Variants in XKR4 observed in about 807,000 individuals in gnomAD.
The protein encoded by XKR4 is XK-related protein 4.
Under a neutral mutation model 53.9 loss-of-function variants are expected in XKR4, and 12 were observed. The observed-to-expected ratio is 0.22, with a 90% CI of 0.14 to 0.36. The LOEUF (loss-of-function observed/expected upper bound fraction) is 0.36, where lower values mean the gene tolerates loss of function less well. Ranked by LOEUF, XKR4 falls within the 10% of genes least tolerant of loss-of-function variation. The probability of loss-of-function intolerance (pLI) is 1.00; values close to 1 mark genes in which losing one functional copy is unlikely to be tolerated. For synonymous variants in XKR4, 354 were observed against 362.4 expected, an observed-to-expected ratio of 0.98 and a Z score of 0.26; for missense variants, 799 against 859.5, an observed-to-expected ratio of 0.93 and a Z score of 0.88.
intron 2 of XKR4, chr8:55,453,376 G>T: frequency 2.2e-6 from 1 of 448,532 alleles, no homozygotes; most frequent in Middle Eastern, 4.6e-4. Context: ...ACAGTTCCCG[G>T]GTGAGGCAGT....
chr8:55,199,551 G>C (rs1380562248), intron 1 of XKR4, among the ~76,000 whole-genome samples: 2 of 152,092 alleles, frequency 1.3e-5, no homozygotes, highest in Non-Finnish European at 2.9e-5. Flanking sequence ...CAGATGAGGG[G>C]GAACAGAGGC....
intron 2 of XKR4, chr8:55,452,176 C>G: frequency 4.1e-6 from 3 of 724,494 alleles, no homozygotes; most frequent in Non-Finnish European, 7.1e-6. Flanking sequence ...AAGAGCTCGG[C>G]ACTGTCAGAC....
intron 1 of XKR4, among the ~76,000 whole-genome samples, chr8:55,356,182 T>C (rs145821271): frequency 1.3e-5 from 2 of 152,312 alleles, no homozygotes; most frequent in African/African-American, 4.8e-5. Flanking sequence ...ACTCTGAATA[T>C]CACCATTTTG....
intron 1 of XKR4, among the ~76,000 whole-genome samples, chr8:55,328,700 A>C (rs1340650352): frequency 6.6e-6 from 1 of 152,088 alleles, no homozygotes; most frequent in African/African-American, 2.4e-5. Flanking sequence ...CCACCGCATG[A>C]CCTTTTTTCT....
intron 2 of XKR4, among the ~76,000 whole-genome samples, chr8:55,425,416 C>T (rs1179010631): frequency 7.4e-6 from 1 of 135,266 alleles, no homozygotes; most frequent in African/African-American, 2.9e-5. Context: ...CTCGTCTAGC[C>T]TCTCTCATCA....
intron 1 of XKR4, among the ~76,000 whole-genome samples, chr8:55,213,856 CTTTTTT>C (rs11433893): frequency 0.013 from 1,085 of 82,422 alleles, 28 homozygotes; most frequent in Middle Eastern, 0.065. Context: ...TTCTTTCTTT[CTTTTTT>C]TTTTTTTTTT....
In XKR4 at chr8:55,524,104, T is replaced by A; in HGVS notation, c.1830T>A (p.His610Gln). The part of the protein sequence containing the change: ...FRNRYPAWER[H>Q]VLDRSLRKAI... ...ATAGGTACCCAGCATGGGAGAGACA[T>A]GTTTTGGACCGAAGCCTCCGAAAGG... is the stretch of plus-strand genomic sequence containing the variant. The change falls in exon 3 of 3, where the codon CAT (histidine) becomes CAA (glutamine). Residue 610 changes from histidine to glutamine, a missense_variant. Transcript: ENST00000327381. The A allele has an allele frequency of 6.2e-7, 1 of 1,614,176 alleles. No individual in the cohort carries two copies. Among genetic ancestry groups the A allele is most frequent in the Non-Finnish European group, 8.5e-7 (1 of 1,180,020 alleles).
At chr8:55,288,200 C>A (rs2129374906) in intron 1 of XKR4, among the ~76,000 whole-genome samples, 1 of 152,308 alleles carries the variant, frequency 6.6e-6, no homozygotes, top group East Asian at 1.9e-4. Flanking sequence ...CAATGTGTCT[C>A]CACCAAGGGG....
rs369123888 is a variant in XKR4, at chr8:55,496,014, A to G, written c.1007-27267A>G. 4.5e-4 allele frequency among the ~76,000 whole-genome samples: 68 copies of G among 152,392 alleles called. No individual in the cohort carries two copies. In the Middle Eastern group the frequency reaches 0.014, roughly 30 times the overall value. On this transcript the variant is annotated intron_variant, in intron 2 of 2. Transcript: ENST00000327381. The stretch of plus-strand genomic sequence containing the variant: ...CAAATTAACTTGAGACTATGAAGTC[A>G]GCAATGTTTGCTTAGAAATTAATTC...
At position 55,534,360 on chromosome 8, in the gene XKR4, A is replaced by ATTGTTTTTTTT. The variant is rs1563375592; in HGVS notation, c.*10135_*10136insGTTTTTTTTTT. The ATTGTTTTTTTT allele has an allele frequency of 2.6e-5, 1 of 38,852 alleles. No individual in the cohort carries two copies. The allele number at this position is 38,852 out of a possible 1,614,324, so 2.4% of individuals were successfully genotyped here. On this transcript the variant is annotated 3_prime_UTR_variant, in exon 3 of 3. Transcript: ENST00000327381. Reference sequence around the variant, plus strand: ...CGAGCTCAAAGATCACGAATCTGATATTCTTTTTTTTTTTTTTTTTTTTTT... The same window carrying ATTGTTTTTTTT: ...CGAGCTCAAAGATCACGAATCTGATATTGTTTTTTTTTTCTTTTTTTTTTTTTTTTTTTTTT...
intron 1 of XKR4, among the ~76,000 whole-genome samples, chr8:55,258,199 A>G (rs1399525310): frequency 6.6e-6 from 1 of 152,218 alleles, no homozygotes; most frequent in Non-Finnish European, 1.5e-5. Context: ...TATATCCTCC[A>G]AAGCAGTGTC....
At chr8:55,117,379 T>C (rs78374425) in intron 1 of XKR4, among the ~76,000 whole-genome samples, 3 of 152,218 alleles carry the variant, frequency 2.0e-5, no homozygotes, top group East Asian at 1.9e-4. Flanking sequence ...ATGGACTCTT[T>C]AGGAGACAAA....
intron 2 of XKR4, among the ~76,000 whole-genome samples, chr8:55,484,217 G>A (rs1005007657): frequency 2.0e-5 from 3 of 152,008 alleles, no homozygotes; most frequent in Non-Finnish European, 4.4e-5. Flanking sequence ...AACTCTCCAG[G>A]CCAAGAAAGC....
chr8:55,206,962 C>T (rs1040268893), intron 1 of XKR4, among the ~76,000 whole-genome samples: 33 of 152,344 alleles, frequency 2.2e-4, no homozygotes, highest in African/African-American at 7.5e-4. Flanking sequence ...GACCACCCTG[C>T]CCCGCGGCAT....
At chr8:55,251,822 C>T (rs1042605784) in intron 1 of XKR4, among the ~76,000 whole-genome samples, 1 of 152,222 alleles carries the variant, frequency 6.6e-6, no homozygotes, top group Admixed American at 6.5e-5. Context: ...ACCAGTGAAA[C>T]ACTATGCCAA....
chr8:55,454,040 C>A (rs932281520), intron 2 of XKR4: 6 of 892,390 alleles, frequency 6.7e-6, no homozygotes, highest in Admixed American at 1.9e-5. Context: ...CCAGAGATAG[C>A]CCTGCAGCAG....
intron 2 of XKR4, among the ~76,000 whole-genome samples, chr8:55,482,053 C>T (rs1422981558): frequency 1.3e-5 from 2 of 152,154 alleles, no homozygotes; most frequent in African/African-American, 2.4e-5. Flanking sequence ...TGAGTATATA[C>T]CCAAAGGATT....
Position 55,532,577 on chromosome 8 carries a change from CA to C in XKR4, c.*8352del, listed in dbSNP as rs1202920551. ...TTGGGAGGCTGAGGCGGGCGGATCA[CA>C]AGGTCAGGAGATCGAGACCATCCTG... On this transcript the variant is annotated 3_prime_UTR_variant, in exon 3 of 3. Transcript: ENST00000327381. 1 of 152,028 alleles carries C rather than the reference CA, an allele frequency of 6.6e-6. No individual in the cohort carries two copies. Among genetic ancestry groups the C allele is most frequent in the Non-Finnish European group, 1.5e-5 (1 of 68,020 alleles). The allele number at this position is 152,028 out of a possible 1,614,324, so 9.4% of individuals were successfully genotyped here.
At chr8:55,434,200 A>G (rs897367262) in intron 2 of XKR4, among the ~76,000 whole-genome samples, 2 of 152,214 alleles carry the variant, frequency 1.3e-5, no homozygotes, top group African/African-American at 2.4e-5. Context: ...ATGACCCAGA[A>G]TGTAAATCTA....
Sources: gnomAD v4.1 joint callset for allele counts (sites outside exome capture counted in the v4.1 genomes callset) on GRCh38, gnomAD v4.1.1 for gene constraint, MANE v1.5 for transcripts, NCBI Gene and HGNC (gene_info 2026-07-23, HGNC 2026-07-21) for gene names.